Variants in PACRG observed in about 807,000 individuals in gnomAD.
The protein encoded by PACRG is parkin coregulated.
A neutral mutation model predicts 29.7 loss-of-function variants in PACRG; 29 were observed. The ratio of observed to expected loss-of-function variants is 0.98; its 90% confidence interval spans 0.73 to 1.33. The LOEUF (loss-of-function observed/expected upper bound fraction) is 1.33, where lower values mean the gene tolerates loss of function less well. Among genes scored for constraint, PACRG ranks in the 40% most tolerant of loss-of-function variants. The probability of loss-of-function intolerance (pLI) is 0.00; values close to 1 mark genes in which losing one functional copy is unlikely to be tolerated. For missense variants in PACRG, 279 were observed against 316.2 expected, an observed-to-expected ratio of 0.88 and a Z score of 0.89; for synonymous variants, 116 against 118.7, an observed-to-expected ratio of 0.98 and a Z score of 0.15.
At chr6:162,870,195 T>C (rs1343056449) in intron 2 of PACRG, among the ~76,000 whole-genome samples, 2 of 152,224 alleles carry the variant, frequency 1.3e-5, no homozygotes, top group Non-Finnish European at 2.9e-5. Context: ...AGATGTATTT[T>C]TCACATGCAG....
At chr6:163,011,247 C>G (rs1458106994) in intron 2 of PACRG, among the ~76,000 whole-genome samples, 1 of 152,216 alleles carries the variant, frequency 6.6e-6, no homozygotes, top group Non-Finnish European at 1.5e-5. Flanking sequence ...GATTTTGTCA[C>G]TGTGCAGGTA....
intron 4 of PACRG, among the ~76,000 whole-genome samples, chr6:163,155,666 G>C (rs1371708034): frequency 6.6e-6 from 1 of 152,174 alleles, no homozygotes; most frequent in Non-Finnish European, 1.5e-5. Context: ...AAATATTTCT[G>C]ATCTGTACCT....
intron 2 of PACRG, among the ~76,000 whole-genome samples, chr6:162,930,432 T>G (rs1229889839): frequency 1.3e-5 from 2 of 151,960 alleles, no homozygotes; most frequent in African/African-American, 4.8e-5. Context: ...GATTTTTGTA[T>G]GTTGATTTTG....
At chr6:162,760,956 A>G (rs1782307822) in intron 1 of PACRG, among the ~76,000 whole-genome samples, 1 of 152,302 alleles carries the variant, frequency 6.6e-6, no homozygotes, top group Admixed American at 6.5e-5. Context: ...GAATAAATTC[A>G]GGGTAGATGG....
intron 2 of PACRG, among the ~76,000 whole-genome samples, chr6:162,932,002 A>T (rs138743015): frequency 6.6e-6 from 1 of 152,166 alleles, no homozygotes; most frequent in Non-Finnish European, 1.5e-5. Context: ...AACTGGAAAT[A>T]ACCCAAATGT....
At chr6:163,229,820 T>C (rs1348430042) in intron 4 of PACRG, among the ~76,000 whole-genome samples, 1 of 152,168 alleles carries the variant, frequency 6.6e-6, no homozygotes, top group Non-Finnish European at 1.5e-5. Context: ...ACAATTCCTT[T>C]AGCGGCAGTT....
intron 2 of PACRG, among the ~76,000 whole-genome samples, chr6:163,049,334 GA>G: frequency 6.6e-6 from 1 of 151,868 alleles, no homozygotes; most frequent in Non-Finnish European, 1.5e-5. Flanking sequence ...TTTATACCAG[GA>G]AAAGTTACAA....
At chr6:163,137,504 G>A (rs975070766) in intron 4 of PACRG, among the ~76,000 whole-genome samples, 4 of 152,050 alleles carry the variant, frequency 2.6e-5, no homozygotes, top group African/African-American at 9.7e-5. Flanking sequence ...AAAGAGGAGC[G>A]CCAGGATTTC....
intron 1 of PACRG, among the ~76,000 whole-genome samples, chr6:162,798,643 C>T (rs139468647): frequency 1.3e-5 from 2 of 152,236 alleles, no homozygotes; most frequent in East Asian, 3.9e-4. Context: ...AGATTTAGTA[C>T]TTGTTAGGTA....
intron 4 of PACRG, among the ~76,000 whole-genome samples, chr6:163,289,646 A>G (rs1197482687): frequency 6.6e-6 from 1 of 152,074 alleles, no homozygotes; most frequent in Non-Finnish European, 1.5e-5. Flanking sequence ...GTAAATCCTC[A>G]CTACGTGTGG....
chr6:163,301,329 A>G (rs1184935565), intron 4 of PACRG, among the ~76,000 whole-genome samples: 1 of 152,242 alleles, frequency 6.6e-6, no homozygotes, highest in Non-Finnish European at 1.5e-5. Flanking sequence ...TCTTTTCCCC[A>G]TTCAGTTAAG....
intron 3 of PACRG, among the ~76,000 whole-genome samples, chr6:163,069,121 T>G (rs1269170420): frequency 6.6e-6 from 1 of 152,012 alleles, no homozygotes; most frequent in Non-Finnish European, 1.5e-5. Context: ...GTGCTCCCAG[T>G]GCAGATACAG....
intron 4 of PACRG, among the ~76,000 whole-genome samples, chr6:163,172,308 C>T (rs1779125230): frequency 6.6e-6 from 1 of 152,194 alleles, no homozygotes; most frequent in African/African-American, 2.4e-5. Context: ...AACTTCACAC[C>T]TGATTCTCTA....
At chr6:163,088,710 C>T (rs1383712920) in intron 3 of PACRG, among the ~76,000 whole-genome samples, 1 of 151,958 alleles carries the variant, frequency 6.6e-6, no homozygotes, top group Non-Finnish European at 1.5e-5. Flanking sequence ...TTTTGCTTTT[C>T]TTTCCTACTT....
intron 4 of PACRG, among the ~76,000 whole-genome samples, chr6:163,096,123 G>A (rs1814560565): frequency 6.6e-6 from 1 of 152,200 alleles, no homozygotes; most frequent in Admixed American, 6.5e-5. Context: ...GCCTGGATAA[G>A]TTTTGAGTAG....
chr6:163,269,825 A>AGGAAGGAAGGAAGG (rs869107418), intron 4 of PACRG, among the ~76,000 whole-genome samples: 423 of 38,238 alleles, frequency 0.011, 51 homozygotes, highest in Middle Eastern at 0.02. Flanking sequence ...AGGAAGGAGA[A>AGGAAGGAAGGAAGG]AGAAAGAAAG....
At chr6:162,751,180 C>T (rs1333248640) in intron 1 of PACRG, among the ~76,000 whole-genome samples, 9 of 151,780 alleles carry the variant, frequency 5.9e-5, no homozygotes, top group Non-Finnish European at 1.0e-4. Flanking sequence ...TTAGAAAGCA[C>T]TTCAGAGTTA....
At chr6:163,255,231 C>T (rs779860233) in intron 4 of PACRG, among the ~76,000 whole-genome samples, 32 of 152,068 alleles carry the variant, frequency 2.1e-4, no homozygotes, top group African/African-American at 2.4e-5. Context: ...AAAGGAGAGC[C>T]CGAATAAAGA....
chr6:163,119,566 T>C (rs1301823318), intron 4 of PACRG, among the ~76,000 whole-genome samples: 1 of 152,158 alleles, frequency 6.6e-6, no homozygotes, highest in African/African-American at 2.4e-5. Context: ...GCTACACCCA[T>C]CTCGGGATGA....
Sources: allele counts gnomAD v4.1 joint callset (sites outside exome capture counted in the v4.1 genomes callset), GRCh38; gene constraint gnomAD v4.1.1; transcripts MANE v1.5; gene names NCBI Gene and HGNC (gene_info 2026-07-23, HGNC 2026-07-21).